The following CSMD2 variants were observed in gnomAD, a reference collection of about 807,000 sequenced individuals.
CSMD2 encodes CUB and Sushi multiple domains 2, also known as CUB and sushi domain-containing protein 2.
Under a neutral mutation model 398.5 loss-of-function variants are expected in CSMD2, and 130 were observed. That is an observed-to-expected ratio of 0.33 (90% confidence interval 0.28 to 0.38). The LOEUF (loss-of-function observed/expected upper bound fraction) is 0.38, where lower values mean the gene tolerates loss of function less well. CSMD2 is among the 10% of genes least tolerant of loss of function. The probability of loss-of-function intolerance (pLI) is 1.00; values close to 1 mark genes in which losing one functional copy is unlikely to be tolerated. For missense variants in CSMD2, 3,829 were observed against 4,764.9 expected (o/e 0.80, Z 5.78); for synonymous variants, 1,828 against 1,908.5 (o/e 0.96, Z 1.10).
At chr1:33,897,563 TGAGGTCAA>T (rs1441333433) in intron 5 of CSMD2, among the ~76,000 whole-genome samples, 1 of 152,196 alleles carries the variant, frequency 6.6e-6, no homozygotes, top group African/African-American at 2.4e-5. Flanking sequence ...ACATCATGAC[TGAGGTCAA>T]GAGGTCACCC....
intron 44 of CSMD2, among the ~76,000 whole-genome samples, chr1:33,596,983 A>G (rs949211043): frequency 2.6e-5 from 4 of 151,936 alleles, no homozygotes; most frequent in Non-Finnish European, 5.9e-5. Context: ...TTTGGAGTCC[A>G]TGTTATCTAG....
rs1642603583 is a variant in CSMD2 at position 33,633,575 on chromosome 1, T to C, written c.5087-40A>G. ...CAGTGTGGGGACTGGGCAGGCACGC[T>C]GGGGGCAGGAGAGGGGATCTAGGGG... On this transcript the variant is annotated intron_variant, in intron 31 of 70. Coordinates refer to ENST00000373381, the MANE Select transcript of CSMD2 (RefSeq NM_001281956.2). The surrounding 1 kb of genome is among the most constrained non-coding windows in gnomAD (Gnocchi z 5.0). 8 of 1,467,114 alleles carry C rather than the reference T, an allele frequency of 5.5e-6. No homozygotes were observed. The East Asian group carries it at 2.0e-4, about 36-fold the overall frequency. The allele number at this position is 1,467,114 out of a possible 1,614,324, so 90.9% of individuals were successfully genotyped here. A position where few individuals can be genotyped will look rare whatever the true frequency, so the allele number is the denominator to read the frequency against.
At chr1:33,609,231 C>A (rs1381302874) in intron 41 of CSMD2, among the ~76,000 whole-genome samples, 1 of 152,142 alleles carries the variant, frequency 6.6e-6, no homozygotes, top group Non-Finnish European at 1.5e-5. Context: ...GACCCCGGAA[C>A]CCTGAAGTCT....
intron 2 of CSMD2, among the ~76,000 whole-genome samples, chr1:34,072,490 G>A (rs994920427): frequency 1.3e-5 from 2 of 152,164 alleles, no homozygotes; most frequent in African/African-American, 4.8e-5. Flanking sequence ...AGGGGCCGAT[G>A]AGGATCTAGA....
chr1:33,645,955 G>A (rs1643402667), intron 29 of CSMD2, among the ~76,000 whole-genome samples: 1 of 152,184 alleles, frequency 6.6e-6, no homozygotes, highest in African/African-American at 2.4e-5. Context: ...TTTTGTCTGT[G>A]GCTGCTTTAG....
chr1:33,810,781 G>A lies in CSMD2; in HGVS notation c.1408C>T (p.His470Tyr). 6.2e-7 allele frequency: 1 copy of A among 1,613,162 alleles called. No individual in the cohort carries two copies. The highest frequency in any genetic ancestry group is 1.7e-4 in the Middle Eastern group (1 of 5,948). ...AGTGCTGTGATGATCCACACACAGT[G>A]TGCATTGTTGTCATACTGAATGGGG... ...NFPIQYDNNAHCVWIITALNP... is the reference protein window; with the variant it reads ...NFPIQYDNNAYCVWIITALNP... The change falls in exon 10 of 71, where the codon CAC becomes TAC. Residue 470 changes from histidine to tyrosine, a missense_variant. This residue lies in a region of CSMD2 where 2,001 missense variants were observed against 2,567.1 expected (regional missense o/e 0.78). Transcript: ENST00000373381.
chr1:33,888,076 T>G (rs1480441183), intron 5 of CSMD2, among the ~76,000 whole-genome samples: 2 of 152,134 alleles, frequency 1.3e-5, no homozygotes, highest in Non-Finnish European at 2.9e-5. Context: ...ACTAGACTTA[T>G]GTGATGAAAA....
chr1:33,907,066 G>A (rs1643133082), intron 5 of CSMD2, among the ~76,000 whole-genome samples: 1 of 151,768 alleles, frequency 6.6e-6, no homozygotes, highest in African/African-American at 2.4e-5. Context: ...AATTGGAAGT[G>A]GTAGTCTTTG....
intron 27 of CSMD2, among the ~76,000 whole-genome samples, chr1:33,656,835 T>C (rs904710425): frequency 5.9e-5 from 9 of 152,172 alleles, no homozygotes; most frequent in African/African-American, 1.9e-4. Context: ...GTTGGGAAAG[T>C]TAAATGAGGT....
intron 4 of CSMD2, among the ~76,000 whole-genome samples, chr1:33,935,044 G>T (rs886654483): frequency 7.0e-6 from 1 of 143,548 alleles, no homozygotes; most frequent in African/African-American, 2.6e-5. Flanking sequence ...AAAAGAAAAA[G>T]AATGAAAGAA....
At chr1:33,695,506 GTGTTCTCCTCC>G (rs1296239902) in intron 24 of CSMD2, among the ~76,000 whole-genome samples, 1 of 152,054 alleles carries the variant, frequency 6.6e-6, no homozygotes, top group African/African-American at 2.4e-5. Flanking sequence ...GTTCCTGCTG[GTGTTCTCCTCC>G]TTCCTCCCCG....
At chr1:34,099,988 C>A (rs527657139) in intron 1 of CSMD2, among the ~76,000 whole-genome samples, 1 of 152,142 alleles carries the variant, frequency 6.6e-6, no homozygotes, top group African/African-American at 2.4e-5. Flanking sequence ...ATAACTTCTA[C>A]ATTGTAGAAA....
At chr1:34,126,064 G>A (rs1439452863) in intron 1 of CSMD2, among the ~76,000 whole-genome samples, 1 of 152,204 alleles carries the variant, frequency 6.6e-6, no homozygotes, top group Non-Finnish European at 1.5e-5. Context: ...CCAAGAGTCC[G>A]TTCCACCCAT....
intron 1 of CSMD2, among the ~76,000 whole-genome samples, chr1:34,097,071 T>C (rs1419243004): frequency 7.1e-6 from 1 of 141,440 alleles, no homozygotes; most frequent in Non-Finnish European, 1.5e-5. Context: ...GAGATATAGA[T>C]CAATGGAACA....
At chr1:33,754,698 G>C (rs551697335) in intron 13 of CSMD2, among the ~76,000 whole-genome samples, 2 of 152,142 alleles carry the variant, frequency 1.3e-5, no homozygotes, top group Non-Finnish European at 2.9e-5. Context: ...TATGTTAAAA[G>C]TTTTTAAAGG....
chr1:34,129,179 G>T (rs1052203484), intron 1 of CSMD2, among the ~76,000 whole-genome samples: 1 of 152,168 alleles, frequency 6.6e-6, no homozygotes, highest in Non-Finnish European at 1.5e-5. Context: ...TCTGTGTAAA[G>T]GTCTGGGTGT....
At chr1:33,907,587 A>G (rs965143432) in intron 5 of CSMD2, among the ~76,000 whole-genome samples, 2 of 152,156 alleles carry the variant, frequency 1.3e-5, no homozygotes, top group African/African-American at 4.8e-5. Flanking sequence ...GGGATGCTAG[A>G]GATCTACCTC....
At chr1:33,924,888 GTTA>G (rs1299840291) in intron 4 of CSMD2, among the ~76,000 whole-genome samples, 7 of 151,978 alleles carry the variant, frequency 4.6e-5, no homozygotes, top group African/African-American at 7.2e-5. Flanking sequence ...TAATGGGATT[GTTA>G]TTATTATTAT....
chr1:33,972,202 TG>T (rs1435387456), intron 3 of CSMD2, among the ~76,000 whole-genome samples: 1 of 152,118 alleles, frequency 6.6e-6, no homozygotes, highest in African/African-American at 2.4e-5. Context: ...AAAAGGGGAA[TG>T]TGGCCCAGCC....
Sources: allele counts gnomAD v4.1 joint callset (sites outside exome capture counted in the v4.1 genomes callset), GRCh38; gene constraint gnomAD v4.1.1; regional missense constraint gnomAD v4.1.1; non-coding constraint Gnocchi (gnomAD v3.1); transcripts MANE v1.5; gene names NCBI Gene and HGNC (gene_info 2026-07-23, HGNC 2026-07-21).